The following MOB3B variants were observed in gnomAD, a reference collection of about 807,000 sequenced individuals.
MOB3B encodes the protein MOB kinase activator 3B, also known as MOB kinase activator-like 2B.
In MOB3B, 7 loss-of-function variants were observed where a neutral mutation model predicts 18.7. That is an observed-to-expected ratio of 0.37 (90% CI 0.21 to 0.70). The LOEUF is 0.70. Among genes scored for constraint, MOB3B ranks in the 30% least tolerant of loss-of-function variants. MOB3B has a pLI of 0.52. For synonymous variants in MOB3B, 111 were observed against 99.9 expected (o/e 1.11, Z -0.66); for missense variants, 253 against 281.3 (o/e 0.90, Z 0.72).
At chr9:27,455,824 C>A in intron 1 of MOB3B, 76 bp from the exon 2 acceptor site, 3 of 1,337,204 alleles carry the variant, frequency 2.2e-6, no homozygotes, top group Non-Finnish European at 2.9e-6. Context: ...AACCTGATTT[C>A]CACCTTGTGT....
At chr9:27,343,477 C>G (rs1386798767) in intron 3 of MOB3B, among the ~76,000 whole-genome samples, 1 of 61,422 alleles carries the variant, frequency 1.6e-5, no homozygotes, top group Non-Finnish European at 2.9e-5. Flanking sequence ...TCAATAAATA[C>G]TAAAAAAAAA....
Position 27,507,958 on chromosome 9 carries a change from T to G in MOB3B, c.-199+21597A>C, listed in dbSNP as rs1163176631. Among the ~76,000 whole-genome samples the G allele has an allele frequency of 2.6e-5, 4 of 152,216 alleles. No homozygotes were observed. The East Asian group carries it at 7.7e-4, about 29-fold the overall frequency. On this transcript the variant is annotated intron_variant, in intron 1 of 3. Coordinates refer to ENST00000262244, the MANE Select transcript of MOB3B (RefSeq NM_024761.5). ...TCTATTATTTTTCTGTTGAAATGGATTTAGCACACAGATGAGTTTTTGTTT... is the reference window on the plus strand; with the variant it reads ...TCTATTATTTTTCTGTTGAAATGGAGTTAGCACACAGATGAGTTTTTGTTT...
Position 27,335,131 on chromosome 9 carries a change from T to C in MOB3B, c.622-4515A>G, listed in dbSNP as rs780162512. ...AAGAAGCTAATTTTCATATGGAACATATGAAGAAGAACACTTGATGTTTAC... is the reference window on the plus strand; with the variant it reads ...AAGAAGCTAATTTTCATATGGAACACATGAAGAAGAACACTTGATGTTTAC... On this transcript the variant is annotated intron_variant, in intron 3 of 3. Coordinates refer to ENST00000262244, the MANE Select transcript of MOB3B (RefSeq NM_024761.5). Among the ~76,000 whole-genome samples the C allele has an allele frequency of 4.1e-4, 63 of 152,212 alleles. 1 individual carries two copies. Among genetic ancestry groups the C allele is most frequent in the Non-Finnish European group, 7.3e-4 (50 of 68,038 alleles).
chr9:27,524,499 T>C lies in MOB3B; in HGVS notation c.-199+5056A>G, dbSNP rs1456814201. On this transcript the variant is annotated intron_variant, in intron 1 of 3. Transcript: ENST00000262244. ...ACATCTGAGTAGTATGAGCAATTCA[T>C]TTCCTGTAGAATGTCTACGAGAAAA... 7 of 1,614,000 alleles carry C rather than the reference T, an allele frequency of 4.3e-6. No individual in the cohort carries two copies. In the Admixed American group the frequency reaches 6.7e-5, roughly 15 times the overall value.
chr9:27,517,647 C>CAAAAAAAAA (rs756559270), intron 1 of MOB3B, among the ~76,000 whole-genome samples: 1 of 54,268 alleles, frequency 1.8e-5, no homozygotes, highest in Non-Finnish European at 3.0e-5. Flanking sequence ...GACTCTGTCT[C>CAAAAAAAAA]AAAAAAAAAA....
At chr9:27,458,238 C>T (rs1819217905) in intron 1 of MOB3B, among the ~76,000 whole-genome samples, 1 of 152,108 alleles carries the variant, frequency 6.6e-6, no homozygotes, top group South Asian at 2.1e-4. Context: ...TGCCACTAAT[C>T]CTTCTGTTTT....
intron 2 of MOB3B, among the ~76,000 whole-genome samples, chr9:27,400,567 C>G (rs1397128503): frequency 2.0e-5 from 3 of 152,228 alleles, no homozygotes; most frequent in African/African-American, 7.2e-5. Flanking sequence ...ATTCCCTTCT[C>G]AGAGGAACAT....
chr9:27,383,019 A>G (rs1468607592), intron 2 of MOB3B, among the ~76,000 whole-genome samples: 1 of 152,216 alleles, frequency 6.6e-6, no homozygotes, highest in Non-Finnish European at 1.5e-5. Flanking sequence ...AGAGTTTAGC[A>G]GGGAAAAGAA....
At chr9:27,370,897 C>T (rs1332327830) in intron 2 of MOB3B, among the ~76,000 whole-genome samples, 1 of 152,106 alleles carries the variant, frequency 6.6e-6, no homozygotes, top group Admixed American at 6.5e-5. Flanking sequence ...GAAAGATCTC[C>T]ATGGAATTGC....
At chr9:27,348,297 G>A (rs575923938) in intron 3 of MOB3B, among the ~76,000 whole-genome samples, 1 of 152,274 alleles carries the variant, frequency 6.6e-6, no homozygotes, top group Admixed American at 6.5e-5. Context: ...GTTGGTCTCT[G>A]TGGTGGTTTA....
chr9:27,345,179 T>TCAA (rs1179906035), intron 3 of MOB3B, among the ~76,000 whole-genome samples: 1 of 152,134 alleles, frequency 6.6e-6, no homozygotes, highest in East Asian at 1.9e-4. Context: ...ACAAACACTT[T>TCAA]GCTTCATATG....
intron 2 of MOB3B, among the ~76,000 whole-genome samples, chr9:27,433,642 G>A (rs1822449703): frequency 6.6e-6 from 1 of 152,196 alleles, no homozygotes; most frequent in Non-Finnish European, 1.5e-5. Context: ...ATTCCTGGAA[G>A]AGAAGCAGCG....
intron 1 of MOB3B, among the ~76,000 whole-genome samples, chr9:27,496,507 T>G (rs1332083408): frequency 2.0e-5 from 3 of 152,296 alleles, no homozygotes; most frequent in Admixed American, 2.0e-4. Context: ...CTTCTAAACT[T>G]CTCCAGGTAC....
chr9:27,407,011 G>C (rs777168716), intron 2 of MOB3B, among the ~76,000 whole-genome samples: 50 of 151,992 alleles, frequency 3.3e-4, no homozygotes, highest in Non-Finnish European at 6.0e-4. Context: ...GCTAATTTTT[G>C]TATTATTATT....
intron 2 of MOB3B, among the ~76,000 whole-genome samples, chr9:27,442,337 G>A (rs561919841): frequency 7.2e-5 from 11 of 152,220 alleles, no homozygotes; most frequent in East Asian, 3.9e-4. Context: ...TCCTAATTCC[G>A]TTTTCCTACT....
chr9:27,341,061 G>A (rs1022253100), intron 3 of MOB3B, among the ~76,000 whole-genome samples: 2 of 152,204 alleles, frequency 1.3e-5, no homozygotes, highest in African/African-American at 2.4e-5. Context: ...GGCTGGATGC[G>A]GGAGGGCAGG....
chr9:27,423,270 T>C (rs1273171745), intron 2 of MOB3B, among the ~76,000 whole-genome samples: 1 of 152,202 alleles, frequency 6.6e-6, no homozygotes, highest in African/African-American at 2.4e-5. Context: ...GGGTGATGAA[T>C]GAACTGCTAA....
At chr9:27,337,333 T>C (rs564366459) in intron 3 of MOB3B, among the ~76,000 whole-genome samples, 1 of 152,364 alleles carries the variant, frequency 6.6e-6, no homozygotes, top group South Asian at 2.1e-4. Context: ...TAGTTTCTTC[T>C]GTGATGGCTG....
At chr9:27,380,119 C>T (rs532505921) in intron 2 of MOB3B, among the ~76,000 whole-genome samples, 1 of 152,264 alleles carries the variant, frequency 6.6e-6, no homozygotes, top group Admixed American at 6.5e-5. Context: ...GTGTCTAAAT[C>T]CTCACCCACC....
Sources: gnomAD v4.1 joint callset for allele counts (sites outside exome capture counted in the v4.1 genomes callset) on GRCh38, gnomAD v4.1.1 for gene constraint, MANE v1.5 for transcripts, NCBI Gene and HGNC (gene_info 2026-07-23, HGNC 2026-07-21) for gene names.